Variants in ANKMY1 observed in about 807,000 individuals in gnomAD.
ANKMY1 encodes ankyrin repeat and MYND domain containing 1.
A neutral mutation model predicts 102.0 loss-of-function variants in ANKMY1; 98 were observed. That is an observed-to-expected ratio of 0.96 (90% CI 0.82 to 1.14). ANKMY1 has a LOEUF of 1.14. Among genes scored for constraint, ANKMY1 ranks in the 50% most tolerant of loss-of-function variants. The pLI is 0.00. For missense variants in ANKMY1, 1,330 were observed against 1,347.6 expected (o/e 0.99, Z 0.20); for synonymous variants, 582 against 559.9 (o/e 1.04, Z -0.56).
At position 240,520,522 on chromosome 2, in the gene ANKMY1, C is replaced by A. The variant is rs781678942; in HGVS notation, c.1844G>T (p.Arg615Leu). The A allele has an allele frequency of 1.9e-6, 3 of 1,611,574 alleles. No individual in the cohort carries two copies. The highest frequency in any genetic ancestry group is 1.3e-5 in the African/African-American group (1 of 74,900). ...CAGCAGCAGCTTGATGGTCCGCCAG[C>A]GCTTCCTCCGCCTGAAAAAGACGGT... ...MALSMIERRK[R>L]WRTIKLLLRR... Residue 615 changes from arginine (R) to leucine (L), a missense_variant, in exon 9 of 18, where the codon CGC becomes CTC. Arg to Leu is a moderately radical substitution (Grantham distance 102). Transcript: ENST00000401804. This position sits in a 1 kb window ranked among gnomAD's most constrained non-coding sequence, Gnocchi z 4.8.
the ANKMY1 span, among the ~76,000 whole-genome samples, chr2:240,469,778 A>C: frequency 6.6e-6 from 1 of 151,278 alleles, no homozygotes; most frequent in African/African-American, 2.5e-5. Context: ...ACATGCCCAC[A>C]TGCCCATGCA....
At chr2:240,495,325 T>G (rs2077111005) in intron 15 of ANKMY1, among the ~76,000 whole-genome samples, 1 of 149,756 alleles carries the variant, frequency 6.7e-6, no homozygotes, top group African/African-American at 2.4e-5. Flanking sequence ...GCCTGACTGA[T>G]GTCAGGCCCG....
At chr2:240,535,191 A>G (rs984594889) in intron 4 of ANKMY1, among the ~76,000 whole-genome samples, 2 of 152,342 alleles carry the variant, frequency 1.3e-5, no homozygotes, top group Admixed American at 1.3e-4. Flanking sequence ...TTGGTTTTAT[A>G]TGTTTTAGGG....
chr2:240,521,491 CTT>C (rs1162330484), intron 8 of ANKMY1, among the ~76,000 whole-genome samples: 13 of 69,624 alleles, frequency 1.9e-4, no homozygotes, highest in East Asian at 7.2e-4. Flanking sequence ...GGTGTTACAG[CTT>C]TTTTTTTTTT....
chr2:240,520,092 C>T lies in ANKMY1; in HGVS notation c.2004+270G>A. On this transcript the variant is annotated intron_variant, in intron 9 of 17. Coordinates refer to ENST00000401804, the MANE Select transcript of ANKMY1 (RefSeq NM_001282771.3). The surrounding 1 kb of genome is among the most constrained non-coding windows in gnomAD (Gnocchi z 4.8). The stretch of plus-strand genomic sequence containing the variant: ...CAAGGGGCCTTCAGGATGCGCTTCC[C>T]CTTAGTTTGCTTCAACACTGGGAAA... The T allele has an allele frequency of 6.1e-6, 4 of 658,094 alleles. No individual in the cohort carries two copies. Among genetic ancestry groups the T allele is most frequent in the Non-Finnish European group, 1.1e-5 (4 of 349,012 alleles). The allele number at this position is 658,094 out of a possible 1,614,324, so 40.8% of individuals were successfully genotyped here. A position where few individuals can be genotyped will look rare whatever the true frequency, so the allele number is the denominator to read the frequency against.
In ANKMY1 at chr2:240,543,166, G is replaced by A. The variant is rs183572944; in HGVS notation, c.480+9748C>T. Among the ~76,000 whole-genome samples, 63 of 151,832 alleles carry A rather than the reference G, an allele frequency of 4.1e-4. No individual in the cohort carries two copies. In the East Asian group the frequency reaches 6.4e-3, roughly 15 times the overall value. On this transcript the variant is annotated intron_variant, in intron 4 of 17. Transcript: ENST00000401804. ...AGATGGAGACCATCCTGGCTAACAC[G>A]GTGAAACCCCGTCTCTACTAAAAAT...
At chr2:240,483,769 G>C (rs1468565665) in intron 15 of ANKMY1, among the ~76,000 whole-genome samples, 1 of 152,142 alleles carries the variant, frequency 6.6e-6, no homozygotes, top group Non-Finnish European at 1.5e-5. Context: ...ACATGCCATA[G>C]TGGTTTGCTG....
At position 240,533,548 on chromosome 2, in the gene ANKMY1, T is replaced by C. The variant is rs985500597; in HGVS notation, c.481-4039A>G. Among the ~76,000 whole-genome samples the C allele has an allele frequency of 2.0e-5, 3 of 152,358 alleles. 1 individual carries two copies. The East Asian group carries it at 5.8e-4, about 29-fold the overall frequency. Reference sequence around the variant, plus strand: ...AAAATTGTTGATGTATCTTACATTCTTTTTTCTTAATAATTCTTCAAGATC... The same window carrying C: ...AAAATTGTTGATGTATCTTACATTCCTTTTTCTTAATAATTCTTCAAGATC... On this transcript the variant is annotated intron_variant, in intron 4 of 17. Transcript: ENST00000401804.
chr2:240,507,461 C>T lies in ANKMY1; in HGVS notation c.2526+99G>A, dbSNP rs553314793. On this transcript the variant is annotated intron_variant, in intron 13 of 17. Coordinates refer to ENST00000401804, the MANE Select transcript of ANKMY1 (RefSeq NM_001282771.3). The stretch of plus-strand genomic sequence containing the variant: ...ACCCAGGGCCACCCACTCCCCTCCC[C>T]GCTCATCAGGGCCACCCAGCCCTCA... 22 of 1,413,770 alleles carry T rather than the reference C, an allele frequency of 1.6e-5. No homozygotes were observed. In the African/African-American group the frequency reaches 2.2e-4, roughly 14 times the overall value. 87.6% of individuals were successfully genotyped at this position (1,413,770 alleles called of 1,614,324 possible).
chr2:240,544,466 T>C (rs2089816633), intron 4 of ANKMY1, among the ~76,000 whole-genome samples: 1 of 152,224 alleles, frequency 6.6e-6, no homozygotes, highest in South Asian at 2.1e-4. Context: ...TAATTAACAT[T>C]GCTCAAAGTT....
At chr2:240,524,515 A>G in intron 7 of ANKMY1, 134 bp from the exon 8 acceptor site, 1 of 1,000,162 alleles carries the variant, frequency 1.0e-6, no homozygotes, top group Non-Finnish European at 1.4e-6. Context: ...AGACCAGGGC[A>G]GCTTTCCCCA....
At chr2:240,507,794 A>G in intron 12 of ANKMY1, 103 bp from the exon 13 acceptor site, 3 of 1,394,424 alleles carry the variant, frequency 2.2e-6, no homozygotes. Context: ...CCCTGAAAGC[A>G]GGGGCTTCAC....
chr2:240,557,216 C>T lies in ANKMY1; in HGVS notation c.120G>A (p.Leu40=). ...ETPAAEEPGS[L]KNYAVFATRD... ...TTGTGGCGAAGACAGCGTAGTTCTT[C>T]AGGGACCCCGGCTCCTCGGCAGCAG... Residue 40 remains leucine, a synonymous_variant, in exon 2 of 18, where the codon CTG becomes CTA. Transcript: ENST00000401804. The T allele has an allele frequency of 1.3e-6, 2 of 1,575,900 alleles. No individual in the cohort carries two copies. Among genetic ancestry groups the T allele is most frequent in the Non-Finnish European group, 1.7e-6 (2 of 1,159,640 alleles).
chr2:240,560,175 G>C (rs1463008480), upstream of ANKMY1: 1 of 153,160 alleles, frequency 6.5e-6, no homozygotes, highest in African/African-American at 2.4e-5. Context: ...ACGTAAAGCC[G>C]ACAACGCAGT....
At chr2:240,485,686 C>T (rs1401602353) in intron 15 of ANKMY1, among the ~76,000 whole-genome samples, 3 of 151,906 alleles carry the variant, frequency 2.0e-5, no homozygotes, top group African/African-American at 7.3e-5. Context: ...ACCTCCCAGG[C>T]TCCAGTGATC....
At chr2:240,477,045 G>A (rs1195920410), downstream of ANKMY1, among the ~76,000 whole-genome samples, 3 of 152,242 alleles carry the variant, frequency 2.0e-5, no homozygotes, top group South Asian at 2.1e-4. Flanking sequence ...GAGGCCGGGC[G>A]CAGTGGCTCA....
chr2:240,546,762 G>T (rs1308193942), intron 4 of ANKMY1, among the ~76,000 whole-genome samples: 1 of 152,210 alleles, frequency 6.6e-6, no homozygotes, highest in East Asian at 1.9e-4. Context: ...AAGAGACAAA[G>T]AAGGCCATTA....
intron 4 of ANKMY1, among the ~76,000 whole-genome samples, chr2:240,539,881 A>C (rs982065477): frequency 6.6e-6 from 1 of 152,360 alleles, no homozygotes; most frequent in East Asian, 1.9e-4. Flanking sequence ...CATAGCAGGA[A>C]GGGAAGTCAG....
chr2:240,508,204 C>T (rs2079444427), intron 12 of ANKMY1, among the ~76,000 whole-genome samples: 2 of 152,268 alleles, frequency 1.3e-5, no homozygotes, highest in South Asian at 4.1e-4. Context: ...GCTCAGATTC[C>T]ACCCAGGAAG....
Sources: allele counts gnomAD v4.1 joint callset (sites outside exome capture counted in the v4.1 genomes callset), GRCh38; gene constraint gnomAD v4.1.1; non-coding constraint Gnocchi (gnomAD v3.1); transcripts MANE v1.5; gene names NCBI Gene and HGNC (gene_info 2026-07-23, HGNC 2026-07-21).